Variants in AGAP1 observed in about 807,000 individuals in gnomAD.
AGAP1 encodes the protein ArfGAP with GTPase domain, ankyrin repeat and PH domain 1.
In AGAP1, 29 loss-of-function variants were observed where a neutral mutation model predicts 105.3. That is an observed-to-expected ratio of 0.28 (90% CI 0.21 to 0.38). The LOEUF is 0.38. AGAP1 is among the 10% of genes least tolerant of loss of function. The probability of loss-of-function intolerance (pLI) is 1.00; values close to 1 mark genes in which losing one functional copy is unlikely to be tolerated. For synonymous variants in AGAP1, 509 were observed against 485.9 expected, an observed-to-expected ratio of 1.05 and a Z score of -0.63; for missense variants, 998 against 1,165.1, an observed-to-expected ratio of 0.86 and a Z score of 2.09.
intron 9 of AGAP1, among the ~76,000 whole-genome samples, chr2:235,810,522 ACT>A (rs1958078088): frequency 6.6e-6 from 1 of 151,904 alleles, no homozygotes; most frequent in Non-Finnish European, 1.5e-5. Flanking sequence ...AGCCTTCAAC[ACT>A]CTCTGCAATC....
Position 235,720,591 on chromosome 2 carries a change from G to C in AGAP1, c.310+2947G>C. ...CCTTTCCTCTTACAACTGCTAGAGCGATCAACTGGGCAGCTACTTTGAATG... is the reference window on the plus strand; with the variant it reads ...CCTTTCCTCTTACAACTGCTAGAGCCATCAACTGGGCAGCTACTTTGAATG... On this transcript the variant is annotated intron_variant, in intron 3 of 17. Coordinates refer to ENST00000304032, the MANE Select transcript of AGAP1 (RefSeq NM_001037131.3). This position sits in a 1 kb window ranked among gnomAD's most constrained non-coding sequence, Gnocchi z 5.0. 1 of 870,930 alleles carries C rather than the reference G, an allele frequency of 1.1e-6. No individual in the cohort carries two copies. The highest frequency in any genetic ancestry group is 1.4e-6 in the Non-Finnish European group (1 of 725,752). The allele number at this position is 870,930 out of a possible 1,614,324, so 54.0% of individuals were successfully genotyped here. A position where few individuals can be genotyped will look rare whatever the true frequency, so the allele number is the denominator to read the frequency against.
chr2:236,111,785 A>AT (rs1203708183), intron 16 of AGAP1, among the ~76,000 whole-genome samples: 1 of 108,342 alleles, frequency 9.2e-6, no homozygotes, highest in Admixed American at 8.4e-5. Flanking sequence ...GTGCGACTCT[A>AT]TCTCAAAAAA....
At chr2:235,808,705 C>T (rs1365817854) in intron 9 of AGAP1, among the ~76,000 whole-genome samples, 1 of 152,174 alleles carries the variant, frequency 6.6e-6, no homozygotes, top group East Asian at 1.9e-4. Flanking sequence ...CCAAGGCCCT[C>T]AGGCATCTAT....
At chr2:236,075,746 CAA>C (rs2058619389) in intron 16 of AGAP1, among the ~76,000 whole-genome samples, 2 of 152,212 alleles carry the variant, frequency 1.3e-5, no homozygotes. Context: ...ACAGAGGTCT[CAA>C]GAGGAGCCTT....
chr2:235,496,700 C>G (rs544088195), intron 1 of AGAP1, among the ~76,000 whole-genome samples: 1 of 152,118 alleles, frequency 6.6e-6, no homozygotes, highest in East Asian at 1.9e-4. Flanking sequence ...TCAAGCACTT[C>G]CAGCAAAGCA....
chr2:235,649,417 A>G lies in AGAP1; in HGVS notation c.164-59762A>G, dbSNP rs1311210117. 2.6e-5 allele frequency among the ~76,000 whole-genome samples: 4 copies of G among 152,228 alleles called. No homozygotes were observed. In the East Asian group the frequency reaches 7.7e-4, roughly 29 times the overall value. ...AAGACAGATTCTCACTCTACTGCTC[A>G]GGCTGGGGTGTAGTGGTATGACTGT... On this transcript the variant is annotated intron_variant, in intron 1 of 17. Coordinates refer to ENST00000304032, the MANE Select transcript of AGAP1 (RefSeq NM_001037131.3).
In AGAP1 at chr2:236,000,893, G is replaced by C. The variant is rs763387939; in HGVS notation, c.1645+32270G>C. Among the ~76,000 whole-genome samples the C allele has an allele frequency of 3.3e-5, 5 of 152,192 alleles. No homozygotes were observed. The highest frequency in any genetic ancestry group is 7.3e-5 in the Non-Finnish European group (5 of 68,036). The stretch of plus-strand genomic sequence containing the variant: ...GAAAGGGCCTGTGTGGAAGGAACCA[G>C]GGCCAAGCGAGGGAGGCAGATGCCG... On this transcript the variant is annotated intron_variant, in intron 13 of 17. Transcript: ENST00000304032. The surrounding 1 kb of genome is among the most constrained non-coding windows in gnomAD (Gnocchi z 4.3).
intron 1 of AGAP1, among the ~76,000 whole-genome samples, chr2:235,537,048 G>A (rs1280346964): frequency 1.3e-5 from 2 of 152,202 alleles, no homozygotes; most frequent in Admixed American, 6.5e-5. Flanking sequence ...GCTCCTCTGC[G>A]CCTGCCCAGG....
At position 235,836,439 on chromosome 2, in the gene AGAP1, G is replaced by A. The variant is rs192264995; in HGVS notation, c.1050+29108G>A. On this transcript the variant is annotated intron_variant, in intron 9 of 17. Coordinates refer to ENST00000304032, the MANE Select transcript of AGAP1 (RefSeq NM_001037131.3). ...GTAGGAAATGCATCCACTCCCTTGT[G>A]GGAATGCTGCTGACTTTTGAAAGCT... 8.5e-4 allele frequency among the ~76,000 whole-genome samples: 129 copies of A among 152,296 alleles called. No homozygotes were observed. In the Middle Eastern group the frequency reaches 0.01, roughly 12 times the overall value.
intron 16 of AGAP1, among the ~76,000 whole-genome samples, chr2:236,099,071 G>A (rs529114933): frequency 3.9e-5 from 6 of 152,212 alleles, no homozygotes; most frequent in African/African-American, 1.4e-4. Flanking sequence ...AGGCTGCTGG[G>A]CAAGGACTTC....
chr2:235,874,136 C>G lies in AGAP1; in HGVS notation c.1051-9209C>G, dbSNP rs2049589169. 6.6e-6 allele frequency among the ~76,000 whole-genome samples: 1 copy of G among 152,166 alleles called. No homozygotes were observed. The highest frequency in any genetic ancestry group is 1.5e-5 in the Non-Finnish European group (1 of 68,032). On this transcript the variant is annotated intron_variant, in intron 9 of 17. Coordinates refer to ENST00000304032, the MANE Select transcript of AGAP1 (RefSeq NM_001037131.3). This position sits in a 1 kb window ranked among gnomAD's most constrained non-coding sequence, Gnocchi z 4.5. ...GCAGTGGCGTGATCTCAGCTCACTGCAACCTCTCCCTCCAACCAATTGCCC... is the reference window on the plus strand; with the variant it reads ...GCAGTGGCGTGATCTCAGCTCACTGGAACCTCTCCCTCCAACCAATTGCCC...
chr2:235,673,497 G>A (rs190353093), intron 1 of AGAP1, among the ~76,000 whole-genome samples: 76 of 152,222 alleles, frequency 5.0e-4, no homozygotes, highest in Non-Finnish European at 8.8e-4. Flanking sequence ...ATCGGGTGGC[G>A]CCCTTTAGTA....
In AGAP1 at chr2:235,514,298, A is replaced by G. The variant is rs577657225; in HGVS notation, c.163+19449A>G. Among the ~76,000 whole-genome samples the G allele has an allele frequency of 3.9e-5, 6 of 152,390 alleles. No homozygotes were observed. The South Asian group carries it at 1.2e-3, about 32-fold the overall frequency. On this transcript the variant is annotated intron_variant, in intron 1 of 17. Coordinates refer to ENST00000304032, the MANE Select transcript of AGAP1 (RefSeq NM_001037131.3). ...GACCTCAACCTGCTTAAGCCTTTAA[A>G]TAGCTCACTAGGGCTTTTAGAATGA...
At chr2:236,052,964 A>G (rs1022016742) in intron 16 of AGAP1, among the ~76,000 whole-genome samples, 5 of 152,208 alleles carry the variant, frequency 3.3e-5, no homozygotes, top group Non-Finnish European at 7.3e-5. Flanking sequence ...GTAACAGTGG[A>G]CAGAACTAAC....
At chr2:235,999,026 G>A (rs116079714) in intron 13 of AGAP1, among the ~76,000 whole-genome samples, 2,701 of 151,242 alleles carry the variant, frequency 0.018, 78 homozygotes, top group African/African-American at 0.062. Flanking sequence ...GTTAATGGTG[G>A]TGGTGGTACT....
rs3738994 is a variant in AGAP1 at position 236,009,895 on chromosome 2, T to C, written c.1646-26666T>C. Among the ~76,000 whole-genome samples the C allele has an allele frequency of 0.65, 98,831 of 151,452 alleles. 33,621 individuals carry two copies. The highest frequency in any genetic ancestry group is 0.85 in the African/African-American group (35,077 of 41,304). ...ATATTTATCTGATCAACAAAGAGTGTTGTCAGGAGGAGACCAGAGGTGACA... is the reference window on the plus strand; with the variant it reads ...ATATTTATCTGATCAACAAAGAGTGCTGTCAGGAGGAGACCAGAGGTGACA... On this transcript the variant is annotated intron_variant, in intron 13 of 17. Coordinates refer to ENST00000304032, the MANE Select transcript of AGAP1 (RefSeq NM_001037131.3). This position sits in a 1 kb window ranked among gnomAD's most constrained non-coding sequence, Gnocchi z 4.2.
At chr2:235,832,947 A>T (rs1959610789) in intron 9 of AGAP1, among the ~76,000 whole-genome samples, 1 of 152,252 alleles carries the variant, frequency 6.6e-6, no homozygotes, top group African/African-American at 2.4e-5. Context: ...CAAAGCAGCT[A>T]GTATCCTCTG....
At chr2:236,010,993 G>A (rs1314205314) in intron 13 of AGAP1, among the ~76,000 whole-genome samples, 4 of 152,198 alleles carry the variant, frequency 2.6e-5, no homozygotes. Context: ...CTTGCAGTGA[G>A]CTGAGATGGC....
At chr2:236,071,903 G>A (rs1047130474) in intron 16 of AGAP1, among the ~76,000 whole-genome samples, 5 of 152,174 alleles carry the variant, frequency 3.3e-5, no homozygotes, top group African/African-American at 1.2e-4. Context: ...ATTTTTCTTG[G>A]TTTTAAAAAC....
Sources: gnomAD v4.1 joint callset for allele counts (sites outside exome capture counted in the v4.1 genomes callset) on GRCh38, gnomAD v4.1.1 for gene constraint, Gnocchi (gnomAD v3.1) non-coding constraint, MANE v1.5 for transcripts, NCBI Gene and HGNC (gene_info 2026-07-23, HGNC 2026-07-21) for gene names.